TPX2: variants seen among roughly 807,000 people sequenced by gnomAD.
TPX2 encodes TPX2 microtubule nucleation factor.
A neutral mutation model predicts 93.6 loss-of-function variants in TPX2; 21 were observed. The observed-to-expected ratio is 0.22, with a 90% CI of 0.16 to 0.32. The LOEUF (loss-of-function observed/expected upper bound fraction) is 0.32. Ranked by LOEUF, TPX2 falls within the 10% of genes least tolerant of loss-of-function variation. The pLI is 1.00. For synonymous variants in TPX2, 281 were observed against 298.3 expected, an observed-to-expected ratio of 0.94 and a Z score of 0.60; for missense variants, 776 against 871.1, an observed-to-expected ratio of 0.89 and a Z score of 1.37.
At chr20:31,798,166 C>T (rs897595983) in intron 16 of TPX2, among the ~76,000 whole-genome samples, 199 bp from the exon 17 acceptor site, 5 of 152,212 alleles carry the variant, frequency 3.3e-5, no homozygotes, top group African/African-American at 7.2e-5. Flanking sequence ...TTACACCAGA[C>T]GATTTCCAGG....
chr20:31,794,372 T>A, intron 14 of TPX2, 30 bp from the exon 15 acceptor site: 1 of 1,609,784 alleles, frequency 6.2e-7, no homozygotes, highest in African/African-American at 1.3e-5. Flanking sequence ...CTAGTCTTTA[T>A]CTTAAACCTC....
intron 2 of TPX2, among the ~76,000 whole-genome samples, chr20:31,756,183 T>C (rs1017768622): frequency 2.0e-5 from 3 of 152,232 alleles, no homozygotes; most frequent in African/African-American, 7.2e-5. Context: ...ATGGATGAGG[T>C]ATACACAAGT....
intron 10 of TPX2, among the ~76,000 whole-genome samples, chr20:31,780,786 T>C (rs1234422700): frequency 1.3e-5 from 2 of 152,210 alleles, no homozygotes; most frequent in African/African-American, 4.8e-5. Context: ...TTAATATTGA[T>C]GCTTTAACAT....
chr20:31,770,540 T>C, intron 6 of TPX2, 69 bp downstream of exon 6: 1 of 1,346,180 alleles, frequency 7.4e-7, no homozygotes, highest in Non-Finnish European at 9.8e-7. Flanking sequence ...TGTAAGTTTC[T>C]TTTCTGAATT....
intron 7 of TPX2, 29 bp downstream of exon 7, chr20:31,771,711 A>G (rs371024214): frequency 4.4e-6 from 7 of 1,593,782 alleles, no homozygotes; most frequent in African/African-American, 1.4e-5. Flanking sequence ...TTTAAACTTT[A>G]GAATGAATGG....
At chr20:31,755,018 G>T (rs970007239) in intron 2 of TPX2, among the ~76,000 whole-genome samples, 1 of 152,110 alleles carries the variant, frequency 6.6e-6, no homozygotes, top group Non-Finnish European at 1.5e-5. Context: ...GCGTGATCTT[G>T]GCTCACTGCA....
At chr20:31,758,002 G>A (rs945942350) in intron 3 of TPX2, among the ~76,000 whole-genome samples, 5 of 151,794 alleles carry the variant, frequency 3.3e-5, no homozygotes, top group African/African-American at 7.3e-5. Context: ...AGTTTTACTT[G>A]TATGTGTATT....
At chr20:31,776,226 G>A (rs988998522) in intron 8 of TPX2, among the ~76,000 whole-genome samples, 9 of 151,134 alleles carry the variant, frequency 6.0e-5, no homozygotes, top group Non-Finnish European at 8.9e-5. Flanking sequence ...GACTACAGGC[G>A]CCCGCCACCG....
chr20:31,777,735 G>GA lies in TPX2; in HGVS notation c.882+105dup, dbSNP rs571013953. ...TCACTGTTTATAATAGTATAATTGAGAAAAAAAACCTTGTGTCTATAAAGT... is the reference window on the plus strand; with the variant it reads ...TCACTGTTTATAATAGTATAATTGAGAAAAAAAAACCTTGTGTCTATAAAGT... On this transcript the variant is annotated intron_variant, in intron 9 of 17. Transcript: ENST00000300403. 48 of 1,241,166 alleles carry GA rather than the reference G, an allele frequency of 3.9e-5. No individual in the cohort carries two copies. The Middle Eastern group carries it at 7.1e-4, about 18-fold the overall frequency. 76.9% of individuals were successfully genotyped at this position (1,241,166 alleles called of 1,614,324 possible). A position where few individuals can be genotyped will look rare whatever the true frequency, so the allele number is the denominator to read the frequency against.
chr20:31,754,479 G>A (rs1367385893), intron 2 of TPX2, among the ~76,000 whole-genome samples: 4 of 152,176 alleles, frequency 2.6e-5, no homozygotes, highest in Non-Finnish European at 1.5e-5. Context: ...CTAATCTCAT[G>A]ATTCATCTCA....
intron 4 of TPX2, among the ~76,000 whole-genome samples, chr20:31,765,904 T>C (rs1489204599): frequency 1.3e-5 from 2 of 152,234 alleles, no homozygotes; most frequent in Non-Finnish European, 1.5e-5. Context: ...TACTACTTTT[T>C]TGGGAGAGCA....
intron 3 of TPX2, among the ~76,000 whole-genome samples, chr20:31,758,950 G>GA (rs908387822): frequency 6.6e-6 from 1 of 150,998 alleles, no homozygotes; most frequent in East Asian, 1.9e-4. Context: ...CAATTTGGAA[G>GA]AAAAAAAATG....
rs1300738103 is a variant in TPX2, at chr20:31,769,974, A to T, written c.357-369A>T. Among the ~76,000 whole-genome samples the T allele has an allele frequency of 2.6e-5, 4 of 151,902 alleles. No individual in the cohort carries two copies. In the East Asian group the frequency reaches 7.8e-4, roughly 29 times the overall value. ...CAGCACGTAGGGCTAATTTTTAAAA[A>T]ATTTTTTGTAGAGACAGGGTCTTGA... is the stretch of plus-strand genomic sequence containing the variant. On this transcript the variant is annotated intron_variant, in intron 5 of 17. Coordinates refer to ENST00000300403, the MANE Select transcript of TPX2 (RefSeq NM_012112.5).
intron 5 of TPX2, among the ~76,000 whole-genome samples, chr20:31,768,309 C>T (rs1047238355): frequency 6.6e-6 from 1 of 151,398 alleles, no homozygotes; most frequent in African/African-American, 2.4e-5. Flanking sequence ...GATCTTGGCT[C>T]ACTGCAACCT....
intron 17 of TPX2, among the ~76,000 whole-genome samples, 160 bp from the exon 18 acceptor site, chr20:31,800,810 C>T (rs1045094126): frequency 1.3e-5 from 2 of 152,208 alleles, no homozygotes; most frequent in Non-Finnish European, 2.9e-5. Context: ...ACTTTTCCAT[C>T]ATACCGTGTT....
chr20:31,793,912 C>A lies in TPX2; in HGVS notation c.1574C>A (p.Pro525His). ...CCACATTATGGGGTGCCTTTTAAGC[C>A]CCAAATCCCAGAGGCAAGAACTGTG... ...PVPHYGVPFKPQIPEARTVEI... is the reference protein window; with the variant it reads ...PVPHYGVPFKHQIPEARTVEI... The change falls in exon 14 of 18, where the codon CCC (proline) becomes CAC (histidine). Residue 525 changes from proline (P) to histidine (H), a missense_variant. Pro to His is a moderately conservative substitution (Grantham distance 77, BLOSUM62 -2). This residue lies in a region of TPX2 where 461 missense variants were observed against 551.2 expected (regional missense o/e 0.84). Coordinates refer to ENST00000300403, the MANE Select transcript of TPX2 (RefSeq NM_012112.5). The A allele has an allele frequency of 6.2e-7, 1 of 1,613,596 alleles. No homozygotes were observed. Among genetic ancestry groups the A allele is most frequent in the Non-Finnish European group, 8.5e-7 (1 of 1,179,774 alleles).
intron 6 of TPX2, 78 bp from the exon 7 acceptor site, chr20:31,771,482 T>C: frequency 1.3e-6 from 2 of 1,525,738 alleles, no homozygotes; most frequent in Non-Finnish European, 1.8e-6. Flanking sequence ...TTAATCCATA[T>C]GCAGTAGATT....
intron 15 of TPX2, among the ~76,000 whole-genome samples, chr20:31,795,618 G>C (rs2123095651): frequency 6.6e-6 from 1 of 152,358 alleles, no homozygotes; most frequent in African/African-American, 2.4e-5. Context: ...GGAGTTGGGA[G>C]TTTCTTTAAG....
intron 15 of TPX2, among the ~76,000 whole-genome samples, chr20:31,797,163 G>A (rs1202808123): frequency 2.0e-5 from 3 of 151,778 alleles, no homozygotes; most frequent in Non-Finnish European, 2.9e-5. Flanking sequence ...CTTTAATGTC[G>A]AAAATGCAAA....
Sources: allele counts gnomAD v4.1 joint callset (sites outside exome capture counted in the v4.1 genomes callset), GRCh38; gene constraint gnomAD v4.1.1; regional missense constraint gnomAD v4.1.1; transcripts MANE v1.5; gene names NCBI Gene and HGNC (gene_info 2026-07-23, HGNC 2026-07-21).